Variants in SYVN1 observed in about 807,000 individuals in gnomAD.
The protein encoded by SYVN1 is synoviolin 1, also known as E3 ubiquitin-protein ligase synoviolin.
A neutral mutation model predicts 62.6 loss-of-function variants in SYVN1; 17 were observed. The observed-to-expected ratio is 0.27, with a 90% CI of 0.19 to 0.41. The LOEUF (loss-of-function observed/expected upper bound fraction) is 0.41, where lower values mean the gene tolerates loss of function less well. Ranked by LOEUF, SYVN1 falls within the 10% of genes least tolerant of loss-of-function variation. The probability of loss-of-function intolerance (pLI) is 1.00; values close to 1 mark genes in which losing one functional copy is unlikely to be tolerated. For missense variants in SYVN1, 634 were observed against 818.0 expected (o/e 0.78, Z 2.74); for synonymous variants, 316 against 304.0 (o/e 1.04, Z -0.41).
In SYVN1 at chr11:65,130,029, T is replaced by C; in HGVS notation, c.1381A>G (p.Met461Val). 6.2e-7 allele frequency: 1 copy of C among 1,601,102 alleles called. No individual in the cohort carries two copies. The highest frequency in any genetic ancestry group is 1.1e-5 in the South Asian group (1 of 89,412). The change falls in exon 13 of 16, where the codon ATG (methionine) becomes GTG (valine). Residue 461 changes from methionine (M) to valine (V), a missense_variant. Coordinates refer to ENST00000377190, the MANE Select transcript of SYVN1 (RefSeq NM_172230.3). The stretch of plus-strand genomic sequence containing the variant: ...AAGGGTGGAGGCAGGGGCATACCCA[T>C]CCAGGGAGGAGGGAAGGGGAAACCA... ...APGFPFPPPW[M>V]GMPLPPPFAF...
chr11:65,129,718 T>G lies in SYVN1; in HGVS notation c.1595+11A>C. 1 of 1,613,798 alleles carries G rather than the reference T, an allele frequency of 6.2e-7. No individual in the cohort carries two copies. On this transcript the variant is annotated intron_variant, in intron 14 of 15. Transcript: ENST00000377190. ...CACCAAACCCACTCTGCTTCCCCTG[T>G]ACAGACACACCCCAAGGAGGCCAGC...
At chr11:65,129,657 A>C (rs1413691876) in intron 14 of SYVN1, 72 bp downstream of exon 14, 2 of 1,478,168 alleles carry the variant, frequency 1.4e-6, no homozygotes, top group Non-Finnish European at 1.9e-6. Context: ...GCCAAGAACC[A>C]CTGCTGGGGA....
At position 65,130,307 on chromosome 11, in the gene SYVN1, G is replaced by A. The variant is rs1410324130; in HGVS notation, c.1178C>T (p.Pro393Leu). 6.3e-7 allele frequency: 1 copy of A among 1,588,876 alleles called. No individual in the cohort carries two copies. ...TCCTGAGCTGGGGGGAGGCGGGACA[G>A]GTGGAAAGGGGCCCATGGGGGGCCA... is the stretch of plus-strand genomic sequence containing the variant. ...PLWPPMGPFP[P>L]VPPPPSSGEA... The change falls in exon 12 of 16, where the codon CCT becomes CTT. Residue 393 changes from proline (P) to leucine (L), a missense_variant. Pro to Leu is a moderately conservative substitution (Grantham distance 98). Around this residue, in one of 2 missense-constraint regions of SYVN1, gnomAD observed 351 missense variants for 373.3 expected, o/e 0.94. Coordinates refer to ENST00000377190, the MANE Select transcript of SYVN1 (RefSeq NM_172230.3).
rs1286865158 is a variant in SYVN1 at position 65,127,401 on chromosome 11, G to A, written c.*981C>T. ...ACAACTCTTGTAACACAAAACCAAG[G>A]GGAAAAGACAGGGGCAGGCAGGTCC... On this transcript the variant is annotated 3_prime_UTR_variant, in exon 16 of 16. Coordinates refer to ENST00000377190, the MANE Select transcript of SYVN1 (RefSeq NM_172230.3). The A allele has an allele frequency of 1.9e-5, 4 of 212,782 alleles. No homozygotes were observed. The highest frequency in any genetic ancestry group is 9.2e-5 in the African/African-American group (4 of 43,398). The allele number at this position is 212,782 out of a possible 1,614,324, so 13.2% of individuals were successfully genotyped here.
chr11:65,129,534 A>C, intron 14 of SYVN1, 195 bp downstream of exon 14: 1 of 574,020 alleles, frequency 1.7e-6, no homozygotes, highest in Non-Finnish European at 3.1e-6. Flanking sequence ...ACTCCTACTT[A>C]GATCCAGACA....
chr11:65,132,571 A>G (rs1948194968), intron 5 of SYVN1, 161 bp downstream of exon 5: 1 of 928,622 alleles, frequency 1.1e-6, no homozygotes, highest in Admixed American at 2.0e-5. Flanking sequence ...CTGAGGGCCC[A>G]GGCAGTTGAG....
At chr11:65,130,861 A>C in intron 10 of SYVN1, 38 bp from the exon 11 acceptor site, 1 of 1,607,388 alleles carries the variant, frequency 6.2e-7, no homozygotes, top group South Asian at 1.1e-5. Context: ...GCAGGTCCCT[A>C]GGGGCCTGCC....
At position 65,129,556 on chromosome 11, in the gene SYVN1, G is replaced by C. The variant is rs928411580; in HGVS notation, c.1595+173C>G. On this transcript the variant is annotated intron_variant, in intron 14 of 15. Coordinates refer to ENST00000377190, the MANE Select transcript of SYVN1 (RefSeq NM_172230.3). Reference sequence around the variant, plus strand: ...CTTAGATCCAGACATGCTTTCTGGAGTGGGAAATAAAGGCACCAGGAGTTA... The same window carrying C: ...CTTAGATCCAGACATGCTTTCTGGACTGGGAAATAAAGGCACCAGGAGTTA... 3 of 592,166 alleles carry C rather than the reference G, an allele frequency of 5.1e-6. No homozygotes were observed. In the African/African-American group the frequency reaches 5.6e-5, roughly 11 times the overall value. 36.7% of individuals were successfully genotyped at this position (592,166 alleles called of 1,614,324 possible).
chr11:65,129,411 C>CCA (rs1394393239), intron 14 of SYVN1: 1 of 260,732 alleles, frequency 3.8e-6, no homozygotes, highest in African/African-American at 2.2e-5. Context: ...CTAAGTGTCA[C>CCA]CACATCTCAG....
intron 14 of SYVN1, chr11:65,128,926 CT>C: frequency 1.7e-6 from 1 of 595,684 alleles, no homozygotes; most frequent in Non-Finnish European, 2.9e-6. Flanking sequence ...CTGTAAGGTG[CT>C]TGCAGGCAGG....
chr11:65,131,601 A>C lies in SYVN1; in HGVS notation c.532-5T>G, dbSNP rs2137247904. The C allele has an allele frequency of 6.2e-7, 1 of 1,613,304 alleles. No individual in the cohort carries two copies. The stretch of plus-strand genomic sequence containing the variant: ...CATCGTCATCAGGATGGCATACTGA[A>C]GGGAGAGGGGGACGAGGGGGATGTA... On this transcript the variant is annotated splice_polypyrimidine_tract_variant and splice_region_variant and intron_variant, in intron 6 of 15. Transcript: ENST00000377190.
chr11:65,133,343 A>C, intron 2 of SYVN1, 91 bp from the exon 3 acceptor site: 5 of 1,577,314 alleles, frequency 3.2e-6, no homozygotes, highest in Non-Finnish European at 4.3e-6. Flanking sequence ...TCCTCATCAC[A>C]GTTTATTCAA....
Position 65,130,935 on chromosome 11 carries a change from T to C in SYVN1, c.926A>G (p.His309Arg). 2 of 1,613,824 alleles carry C rather than the reference T, an allele frequency of 1.2e-6. No homozygotes were observed. The highest frequency in any genetic ancestry group is 1.7e-6 in the Non-Finnish European group (2 of 1,179,990). ...CCCCTCCCACCTGGTATGGAAAATG[T>C]GGTTGCAGGGCAGTCTCTTGGCACC... ...VTGAKRLPCN[H>R]IFHTSCLRSW... The change falls in exon 10 of 16, where the codon CAC (histidine) becomes CGC (arginine). Residue 309 changes from histidine to arginine, a missense_variant. Around this residue, in one of 2 missense-constraint regions of SYVN1, gnomAD observed 283 missense variants for 444.7 expected, o/e 0.64. Transcript: ENST00000377190.
At chr11:65,128,861 G>A in intron 14 of SYVN1, 147 bp from the exon 15 acceptor site, 1 of 823,842 alleles carries the variant, frequency 1.2e-6, no homozygotes, top group Non-Finnish European at 1.9e-6. Context: ...TGAACATGCT[G>A]AATGAACTCA....
At chr11:65,130,598 C>T in intron 11 of SYVN1, 62 bp downstream of exon 11, 2 of 1,483,210 alleles carry the variant, frequency 1.3e-6, no homozygotes, top group Non-Finnish European at 1.8e-6. Flanking sequence ...CAGCATCTTC[C>T]ACATCCAGCC....
chr11:65,129,529 T>C (rs1737837781), intron 14 of SYVN1, 200 bp downstream of exon 14: 1 of 570,086 alleles, frequency 1.8e-6, no homozygotes, highest in Admixed American at 3.0e-5. Context: ...ACATCACTCC[T>C]ACTTAGATCC....
intron 15 of SYVN1, 28 bp downstream of exon 15, chr11:65,128,535 C>G (rs772468157): frequency 6.2e-7 from 1 of 1,613,154 alleles, no homozygotes. Context: ...GTTCCCTGCT[C>G]CCCCGGCTGG....
rs190231680 is a variant in SYVN1 at position 65,132,870 on chromosome 11, G to A, written c.378+52C>T. The A allele has an allele frequency of 7.7e-5, 124 of 1,612,672 alleles. No homozygotes were observed. In the Admixed American group the frequency reaches 1.4e-3, roughly 18 times the overall value. On this transcript the variant is annotated intron_variant, in intron 4 of 15. Transcript: ENST00000377190. ...CCCTCCCTGCTCCTTAAGCCTGCCC[G>A]CTGGCTACTCCCTGGCTTCCACCTG...
intron 5 of SYVN1, 141 bp from the exon 6 acceptor site, chr11:65,132,492 C>T: frequency 2.6e-6 from 2 of 755,588 alleles, no homozygotes; most frequent in Non-Finnish European, 4.4e-6. Flanking sequence ...TGAACCTGGC[C>T]CTCTGGGAAC....
Sources: allele counts gnomAD v4.1 joint callset, GRCh38; gene constraint gnomAD v4.1.1; regional missense constraint gnomAD v4.1.1; transcripts MANE v1.5; gene names NCBI Gene and HGNC (gene_info 2026-07-23, HGNC 2026-07-21).